PCDHA4: variants seen among roughly 807,000 people sequenced by gnomAD.
PCDHA4 encodes protocadherin alpha-4.
A neutral mutation model predicts 61.4 loss-of-function variants in PCDHA4; 49 were observed. That is an observed-to-expected ratio of 0.80 (90% CI 0.63 to 1.01). The LOEUF (loss-of-function observed/expected upper bound fraction) is 1.01. Among genes scored for constraint, PCDHA4 ranks in the 50% least tolerant of loss-of-function variants. The pLI is 0.00. For missense variants in PCDHA4, 1,254 were observed against 1,235.8 expected, an observed-to-expected ratio of 1.01 and a Z score of -0.22; for synonymous variants, 590 against 550.3, an observed-to-expected ratio of 1.07 and a Z score of -1.01.
At chr5:140,822,988 T>G (rs1314541728) in intron 1 of PCDHA4, 1 of 1,614,104 alleles carries the variant, frequency 6.2e-7, no homozygotes, top group African/African-American at 1.3e-5. Context: ...GAATTACTAC[T>G]CGTTGGTGCT....
At chr5:140,968,641 C>T (rs782760741) in intron 1 of PCDHA4, 12 of 1,614,006 alleles carry the variant, frequency 7.4e-6, no homozygotes, top group East Asian at 4.5e-5. Context: ...ACCATCTAGC[C>T]CAGACTTCTG....
At chr5:140,859,579 G>A in intron 1 of PCDHA4, 1 of 171,440 alleles carries the variant, frequency 5.8e-6, no homozygotes, top group Non-Finnish European at 1.2e-5. Flanking sequence ...TTGTCATCTT[G>A]CCTATGGCTC....
intron 1 of PCDHA4, chr5:140,876,687 C>T: frequency 6.2e-7 from 1 of 1,614,212 alleles, no homozygotes; most frequent in Non-Finnish European, 8.5e-7. Flanking sequence ...AGAATTACTA[C>T]TCGTTGGTGC....
At position 140,808,046 on chromosome 5, in the gene PCDHA4, C is replaced by T. The variant is rs1764088049; in HGVS notation, c.859C>T (p.Pro287Ser). The change falls in exon 1 of 4, where the codon CCA becomes TCA. Residue 287 changes from proline to serine, a missense_variant. By Grantham distance (74) the Pro-to-Ser change is moderately conservative (BLOSUM62 -1). Coordinates refer to ENST00000530339, the MANE Select transcript of PCDHA4 (RefSeq NM_018907.4). ...TTATTCATTCTCAAATGATATTTCG[C>T]CAAATGTGAAATCCAAGTTTCACAT... The part of the protein sequence containing the change: ...IVYSFSNDIS[P>S]NVKSKFHIDP... 1 of 1,613,822 alleles carries T rather than the reference C, an allele frequency of 6.2e-7. No homozygotes were observed. The highest frequency in any genetic ancestry group is 1.7e-5 in the Admixed American group (1 of 59,998).
At chr5:140,904,435 A>G (rs542932460) in intron 1 of PCDHA4, among the ~76,000 whole-genome samples, 4 of 151,230 alleles carry the variant, frequency 2.6e-5, no homozygotes, top group African/African-American at 9.7e-5. Flanking sequence ...ATATATATGT[A>G]TATTACAATT....
At position 140,978,970 on chromosome 5, in the gene PCDHA4, T is replaced by A; in HGVS notation, c.2407T>A (p.Trp803Arg). The change falls in exon 2 of 4, where the codon TGG (tryptophan) becomes AGG (arginine). Residue 803 changes from tryptophan to arginine, a missense_variant. Coordinates refer to ENST00000530339, the MANE Select transcript of PCDHA4 (RefSeq NM_018907.4). ...FAKPRQPNPD[W>R]RYSASLRAGM... is the part of the protein sequence containing the mutation. Reference sequence around the variant, plus strand: ...GCAGCCACGACAGCCCAACCCTGACTGGCGTTACTCTGCCTCCCTGAGAGC... The same window carrying A: ...GCAGCCACGACAGCCCAACCCTGACAGGCGTTACTCTGCCTCCCTGAGAGC... 6.2e-7 allele frequency: 1 copy of A among 1,614,216 alleles called. No homozygotes were observed. Among genetic ancestry groups the A allele is most frequent in the Admixed American group, 1.7e-5 (1 of 60,030 alleles).
chr5:140,867,114 G>T (rs567577345), intron 1 of PCDHA4: 1 of 152,168 alleles, frequency 6.6e-6, no homozygotes, highest in Admixed American at 6.5e-5. Context: ...TTAACATATT[G>T]TTTTAATTCA....
intron 1 of PCDHA4, chr5:140,822,400 T>G (rs1554128617): frequency 2.5e-6 from 4 of 1,613,968 alleles, no homozygotes; most frequent in Non-Finnish European, 3.4e-6. Context: ...AGAACACCGT[T>G]TATTAGTGAT....
chr5:140,856,717 A>G (rs947466965), intron 1 of PCDHA4: 1 of 1,596,480 alleles, frequency 6.3e-7, no homozygotes, highest in Non-Finnish European at 8.6e-7. Context: ...AATTTACCGG[A>G]TCTGTTTCTC....
At position 140,856,153 on chromosome 5, in the gene PCDHA4, C is replaced by G. The variant is rs1554148270; in HGVS notation, c.2385+46581C>G. 8 of 1,598,310 alleles carry G rather than the reference C, an allele frequency of 5.0e-6. 1 individual carries two copies. Among genetic ancestry groups the G allele is most frequent in the Non-Finnish European group, 6.9e-6 (8 of 1,167,862 alleles). On this transcript the variant is annotated intron_variant, in intron 1 of 3. Transcript: ENST00000530339. The stretch of plus-strand genomic sequence containing the variant: ...GCGGCCAGCTCCACTACTCAGTCTA[C>G]GAGGAGGCCAGACACGGCACCTTCG...
chr5:140,973,586 C>A (rs1207651483), intron 1 of PCDHA4, among the ~76,000 whole-genome samples: 1 of 152,176 alleles, frequency 6.6e-6, no homozygotes, highest in Non-Finnish European at 1.5e-5. Flanking sequence ...GACTGCTGAG[C>A]CAGATGGAAT....
At chr5:140,917,354 G>T (rs148449289) in intron 1 of PCDHA4, among the ~76,000 whole-genome samples, 7 of 143,854 alleles carry the variant, frequency 4.9e-5, no homozygotes, top group African/African-American at 1.8e-4. Flanking sequence ...GTAGGCTTCT[G>T]TTCCACTATC....
intron 1 of PCDHA4, chr5:140,869,808 C>A: frequency 6.2e-7 from 1 of 1,612,402 alleles, no homozygotes; most frequent in South Asian, 1.1e-5. Context: ...TCTTGGATGT[C>A]AACGACAATG....
rs140423301 is a variant in PCDHA4 at position 140,995,612 on chromosome 5, C to T, written c.2533+13049C>T. Among the ~76,000 whole-genome samples, 11 of 152,156 alleles carry T rather than the reference C, an allele frequency of 7.2e-5. No individual in the cohort carries two copies. In the East Asian group the frequency reaches 2.1e-3, roughly 29 times the overall value. On this transcript the variant is annotated intron_variant, in intron 3 of 3. Transcript: ENST00000530339. ...AACTTAGTGTTTTTCTTCTCCCAAA[C>T]CAAATATTGGAAACTTTGGAGTGTT... is the stretch of plus-strand genomic sequence containing the variant.
intron 1 of PCDHA4, chr5:140,851,680 A>G (rs2042128414): frequency 2.2e-6 from 2 of 918,856 alleles, no homozygotes; most frequent in African/African-American, 3.6e-5. Flanking sequence ...AATTTTCTCC[A>G]TTCAGTGATA....
chr5:140,940,265 C>T (rs782351194), intron 1 of PCDHA4, among the ~76,000 whole-genome samples: 1 of 152,116 alleles, frequency 6.6e-6, no homozygotes, highest in Non-Finnish European at 1.5e-5. Flanking sequence ...CTTCTGGGTT[C>T]CACTGTTGTC....
At chr5:140,828,726 T>C in intron 1 of PCDHA4, 1 of 1,614,236 alleles carries the variant, frequency 6.2e-7, no homozygotes, top group Non-Finnish European at 8.5e-7. Flanking sequence ...AACTTATTCC[T>C]GACAGCCACA....
chr5:140,823,993 T>G (rs1767960807), intron 1 of PCDHA4: 1 of 1,613,862 alleles, frequency 6.2e-7, no homozygotes, highest in Admixed American at 1.7e-5. Context: ...CACTCTGTTG[T>G]GCTCCAGCGC....
At chr5:140,893,039 C>A (rs1024548713) in intron 1 of PCDHA4, among the ~76,000 whole-genome samples, 49 of 152,306 alleles carry the variant, frequency 3.2e-4, no homozygotes, top group African/African-American at 1.1e-3. Flanking sequence ...TAACATATGC[C>A]CTCCAGGCTC....
Sources: allele counts gnomAD v4.1 joint callset (sites outside exome capture counted in the v4.1 genomes callset), GRCh38; gene constraint gnomAD v4.1.1; transcripts MANE v1.5; gene names NCBI Gene and HGNC (gene_info 2026-07-23, HGNC 2026-07-21).